NCOR2: variants seen among roughly 807,000 people sequenced by gnomAD.
The protein encoded by NCOR2 is nuclear receptor corepressor 2.
A neutral mutation model predicts 262.9 loss-of-function variants in NCOR2; 81 were observed. The observed-to-expected ratio is 0.31, with a 90% CI of 0.26 to 0.37. The LOEUF (loss-of-function observed/expected upper bound fraction) is 0.37. Ranked by LOEUF, NCOR2 falls within the 10% of genes least tolerant of loss-of-function variation. NCOR2 has a pLI of 1.00. For missense variants in NCOR2, 3,385 were observed against 3,621.4 expected, an observed-to-expected ratio of 0.93 and a Z score of 1.68; for synonymous variants, 1,659 against 1,559.3, an observed-to-expected ratio of 1.06 and a Z score of -1.51.
At chr12:124,509,514 C>A (rs2049269995) in intron 1 of NCOR2, among the ~76,000 whole-genome samples, 1 of 152,162 alleles carries the variant, frequency 6.6e-6, no homozygotes, top group Non-Finnish European at 1.5e-5. Flanking sequence ...AAGATAGCAA[C>A]CCTCCTAAAA....
rs561805866 is a variant in NCOR2 at position 124,403,792 on chromosome 12, T to C, written c.1483-1231A>G. Among the ~76,000 whole-genome samples the C allele has an allele frequency of 1.8e-4, 28 of 152,246 alleles. 1 individual carries two copies. The highest frequency in any genetic ancestry group is 6.8e-3 in the Middle Eastern group (2 of 292). On this transcript the variant is annotated intron_variant, in intron 13 of 46. Transcript: ENST00000405201. ...CAACGCTCTCTCCAGCCTCTTTTCATTTAGGATGGGGCAGAAAAACAGAGC... is the reference window on the plus strand; with the variant it reads ...CAACGCTCTCTCCAGCCTCTTTTCACTTAGGATGGGGCAGAAAAACAGAGC...
intron 5 of NCOR2, among the ~76,000 whole-genome samples, chr12:124,459,451 G>A (rs1418702658): frequency 6.6e-6 from 1 of 152,082 alleles, no homozygotes; most frequent in Non-Finnish European, 1.5e-5. Context: ...GCCTCCTGGG[G>A]AGGTGGGCCT....
At chr12:124,362,711 CA>C (rs2038700468) in intron 21 of NCOR2, among the ~76,000 whole-genome samples, 1 of 148,576 alleles carries the variant, frequency 6.7e-6, no homozygotes, top group African/African-American at 2.5e-5. Flanking sequence ...TGGTGATGGA[CA>C]GGGGGAGCCC....
chr12:124,377,769 G>C (rs947995369), intron 18 of NCOR2, among the ~76,000 whole-genome samples: 5 of 151,362 alleles, frequency 3.3e-5, no homozygotes, highest in Admixed American at 6.6e-5. Context: ...AACCCGAGAG[G>C]CAGAGGTTAC....
rs59569828 is a variant in NCOR2, at chr12:124,519,452, T to C, written c.-118+16113A>G. ...TGACAAGGGTCTGGGGGTGCAGATG[T>C]GAGGAAGGCACCCCTGGCAGAAGCA... On this transcript the variant is annotated intron_variant, in intron 1 of 46. Coordinates refer to the NCOR2 transcript ENST00000404621. Among the ~76,000 whole-genome samples the C allele has an allele frequency of 0.015, 2,303 of 152,052 alleles. 133 individuals are homozygous for C. The East Asian group carries it at 0.2, about 13-fold the overall frequency.
intron 18 of NCOR2, 69 bp from the exon 21 acceptor site, chr12:124,374,532 A>G: frequency 1.3e-6 from 2 of 1,497,236 alleles, no homozygotes; most frequent in South Asian, 2.4e-5. Flanking sequence ...GGAGGAGGCA[A>G]CGTGGCCAAG....
intron 18 of NCOR2, among the ~76,000 whole-genome samples, chr12:124,376,525 TCCTTCCATCAGA>T (rs200542631): frequency 0.014 from 2,061 of 152,296 alleles, 21 homozygotes; most frequent in Non-Finnish European, 0.022. Context: ...GCCCAGGCCT[TCCTTCCATCAGA>T]CACTAGCCAG....
chr12:124,409,367 C>T (rs1052140458), intron 13 of NCOR2, among the ~76,000 whole-genome samples: 16 of 152,212 alleles, frequency 1.1e-4, no homozygotes, highest in African/African-American at 3.4e-4. Context: ...GCTGTGCCCA[C>T]GGCCTGGGGT....
chr12:124,551,120 CA>C (rs2051700691), intron 1 of NCOR2, among the ~76,000 whole-genome samples: 1 of 152,174 alleles, frequency 6.6e-6, no homozygotes, highest in Admixed American at 6.5e-5. Context: ...TTCTAATTCT[CA>C]AAACAACCCT....
chr12:124,469,295 C>A (rs2046706848), intron 4 of NCOR2, among the ~76,000 whole-genome samples: 1 of 152,118 alleles, frequency 6.6e-6, no homozygotes, highest in Non-Finnish European at 1.5e-5. Flanking sequence ...GAAGTGAACA[C>A]AGGAAAAGCC....
chr12:124,342,737 TTTGCA>T (rs1357266710), intron 33 of NCOR2, among the ~76,000 whole-genome samples: 1 of 152,200 alleles, frequency 6.6e-6, no homozygotes, highest in Non-Finnish European at 1.5e-5. Flanking sequence ...ATTCTATACC[TTTGCA>T]TTGCTAAAGG....
chr12:124,338,106 T>C (rs1370924634), intron 37 of NCOR2, among the ~76,000 whole-genome samples: 5 of 152,184 alleles, frequency 3.3e-5, no homozygotes, highest in African/African-American at 1.2e-4. Flanking sequence ...TTTTTCATAA[T>C]TGAAATAATG....
intron 9 of NCOR2, among the ~76,000 whole-genome samples, chr12:124,430,330 C>T (rs1343646524): frequency 6.6e-6 from 1 of 152,224 alleles, no homozygotes; most frequent in African/African-American, 2.4e-5. Context: ...TCAAACTCAG[C>T]TGCCTTCAGG....
At chr12:124,505,400 C>A (rs1322347697) in intron 1 of NCOR2, among the ~76,000 whole-genome samples, 1 of 152,210 alleles carries the variant, frequency 6.6e-6, no homozygotes, top group Non-Finnish European at 1.5e-5. Context: ...TCCTCCTCGG[C>A]AGTTTTAGCC....
intron 1 of NCOR2, among the ~76,000 whole-genome samples, chr12:124,502,009 C>A (rs777638442): frequency 2.6e-5 from 4 of 152,254 alleles, no homozygotes; most frequent in Non-Finnish European, 4.4e-5. Flanking sequence ...GAGCTGTTGA[C>A]ACCTTGGGTG....
intron 14 of NCOR2, among the ~76,000 whole-genome samples, chr12:124,401,405 TAG>T (rs1323433369): frequency 2.0e-5 from 3 of 152,282 alleles, no homozygotes; most frequent in Admixed American, 6.5e-5. Flanking sequence ...ATGCACCAAA[TAG>T]AGAGATACTG....
rs2052192222 is a variant in NCOR2 at position 124,565,089 on chromosome 12, G to C, written c.-165+2219C>G. Among the ~76,000 whole-genome samples the C allele has an allele frequency of 1.3e-5, 2 of 152,288 alleles. 1 individual carries two copies. The highest frequency in any genetic ancestry group is 4.1e-4 in the South Asian group (2 of 4,828). On this transcript the variant is annotated intron_variant, in intron 1 of 32. Coordinates refer to the NCOR2 transcript ENST00000458234. The stretch of plus-strand genomic sequence containing the variant: ...CTTCCCACATAACCAAACCCTCTCC[G>C]AGAGGGGGAGGGGGAGAGCGCAGCC...
intron 5 of NCOR2, among the ~76,000 whole-genome samples, chr12:124,458,037 G>A (rs2045972021): frequency 1.3e-5 from 2 of 152,250 alleles, no homozygotes; most frequent in Non-Finnish European, 2.9e-5. Context: ...TAAACTGCGT[G>A]TGTGCTGGCA....
intron 38 of NCOR2, 49 bp downstream of exon 40, chr12:124,336,704 C>G (rs1247025773): frequency 6.3e-7 from 1 of 1,598,012 alleles, no homozygotes. Context: ...AGCAATTTGA[C>G]GCATGATAAT....
Sources: allele counts gnomAD v4.1 joint callset (sites outside exome capture counted in the v4.1 genomes callset), GRCh38; gene constraint gnomAD v4.1.1; transcripts MANE v1.5; gene names NCBI Gene and HGNC (gene_info 2026-07-23, HGNC 2026-07-21).